Variants in HEATR3 observed in about 807,000 individuals in gnomAD.
HEATR3 encodes the protein HEAT repeat-containing protein 3.
In HEATR3, 56 loss-of-function variants were observed where a neutral mutation model predicts 72.8. That is an observed-to-expected ratio of 0.77 (90% CI 0.62 to 0.96). HEATR3 has a LOEUF of 0.96. HEATR3 is among the 40% of genes least tolerant of loss of function. The pLI is 0.00. For synonymous variants in HEATR3, 331 were observed against 318.1 expected (o/e 1.04, Z -0.43); for missense variants, 747 against 831.4 (o/e 0.90, Z 1.25).
Position 50,081,828 on chromosome 16 carries a change from T to C in HEATR3, c.1042-2109T>C, listed in dbSNP as rs554361077. Among the ~76,000 whole-genome samples the C allele has an allele frequency of 1.1e-3, 162 of 152,334 alleles. 1 individual carries two copies. Among genetic ancestry groups the C allele is most frequent in the African/African-American group, 3.6e-3 (150 of 41,578 alleles). ...AAAAGTAGAGTACTCTCTGCCCAGC[T>C]TCTACAGTTACCAATTTTCAAAGTC... On this transcript the variant is annotated intron_variant, in intron 7 of 14. Transcript: ENST00000299192.
intron 2 of HEATR3, 116 bp downstream of exon 2, chr16:50,066,655 C>A: frequency 1.0e-6 from 1 of 963,802 alleles, no homozygotes; most frequent in South Asian, 4.5e-5. Context: ...CTGGCCCGGT[C>A]TCCCGTTTGC....
At chr16:50,090,554 T>C (rs377743346) in intron 11 of HEATR3, among the ~76,000 whole-genome samples, 2 of 152,196 alleles carry the variant, frequency 1.3e-5, no homozygotes, top group African/African-American at 4.8e-5. Context: ...GTGTCTGATA[T>C]CAGAGATAAA....
chr16:50,101,782 A>G (rs1210095782), intron 13 of HEATR3, among the ~76,000 whole-genome samples: 1 of 151,176 alleles, frequency 6.6e-6, no homozygotes, highest in East Asian at 2.0e-4. Flanking sequence ...GTCTTGCTCC[A>G]TTGCCGAGGC....
intron 14 of HEATR3, among the ~76,000 whole-genome samples, chr16:50,103,300 G>T (rs1296213990): frequency 2.0e-5 from 3 of 152,194 alleles, no homozygotes; most frequent in Non-Finnish European, 4.4e-5. Flanking sequence ...ATGTATTGCT[G>T]TGGTAATAAC....
intron 11 of HEATR3, among the ~76,000 whole-genome samples, chr16:50,091,757 C>G (rs2037116769): frequency 6.6e-6 from 1 of 151,444 alleles, no homozygotes; most frequent in Non-Finnish European, 1.5e-5. Flanking sequence ...ACCTGTAGTC[C>G]CAGCTACTCG....
intron 12 of HEATR3, among the ~76,000 whole-genome samples, chr16:50,095,299 G>A (rs942580904): frequency 6.6e-6 from 1 of 151,682 alleles, no homozygotes; most frequent in Non-Finnish European, 1.5e-5. Flanking sequence ...GTAGAGACGG[G>A]GTTTTGCCGT....
At position 50,104,749 on chromosome 16, in the gene HEATR3, A is replaced by G. The variant is rs565266535; in HGVS notation, c.1921-190A>G. Reference sequence around the variant, plus strand: ...GTCACCTTTGTAACTATCATTTTTAATAATGCACATTCTCAGTTTATTCTT... The same window carrying G: ...GTCACCTTTGTAACTATCATTTTTAGTAATGCACATTCTCAGTTTATTCTT... On this transcript the variant is annotated intron_variant, in intron 14 of 14. Transcript: ENST00000299192. Among the ~76,000 whole-genome samples, 8 of 152,272 alleles carry G rather than the reference A, an allele frequency of 5.3e-5. No homozygotes were observed. In the East Asian group the frequency reaches 1.5e-3, roughly 29 times the overall value.
At chr16:50,101,700 A>G (rs1261746110) in intron 13 of HEATR3, among the ~76,000 whole-genome samples, 2 of 152,094 alleles carry the variant, frequency 1.3e-5, no homozygotes, top group Admixed American at 6.6e-5. Context: ...TGTATTTCCT[A>G]CAAACTGACA....
intron 11 of HEATR3, among the ~76,000 whole-genome samples, chr16:50,088,994 G>A (rs1306560117): frequency 6.6e-6 from 1 of 152,146 alleles, no homozygotes. Flanking sequence ...CAAACTCCCT[G>A]TGTGCCTGTG....
chr16:50,067,633 T>C (rs1453543523), intron 2 of HEATR3, among the ~76,000 whole-genome samples: 2 of 152,064 alleles, frequency 1.3e-5, no homozygotes, highest in Non-Finnish European at 2.9e-5. Flanking sequence ...AGCAGGGAAG[T>C]GACATGCTGC....
chr16:50,084,121 G>A lies in HEATR3; in HGVS notation c.1133-13G>A, dbSNP rs781699919. 6.2e-7 allele frequency: 1 copy of A among 1,614,078 alleles called. No individual in the cohort carries two copies. Among genetic ancestry groups the A allele is most frequent in the Non-Finnish European group, 8.5e-7 (1 of 1,180,008 alleles). ...TAACTATTCCAGTTCTGCGTGGTTT[G>A]CCCGCTTCCCAGATCCCTCTGATGA... On this transcript the variant is annotated splice_polypyrimidine_tract_variant and intron_variant, in intron 8 of 14. Transcript: ENST00000299192.
At position 50,083,955 on chromosome 16, in the gene HEATR3, A is replaced by G; in HGVS notation, c.1060A>G (p.Arg354Gly). 1 of 1,610,188 alleles carries G rather than the reference A, an allele frequency of 6.2e-7. No individual in the cohort carries two copies. Among genetic ancestry groups the G allele is most frequent in the Middle Eastern group, 1.7e-4 (1 of 6,050 alleles). The change falls in exon 8 of 15, where the codon AGA (arginine) becomes GGA (glycine). Residue 354 changes from arginine (R) to glycine (G), a missense_variant. This residue lies in a region of HEATR3 where 586 missense variants were observed against 708.8 expected (regional missense o/e 0.83). Transcript: ENST00000299192. ...DLLPPTDKELRETIALLTAQQ... is the reference protein window; with the variant it reads ...DLLPPTDKELGETIALLTAQQ... ...TTTTAAGCCCACTGACAAGGAACTG[A>G]GAGAGACTATAGCATTGCTGACAGC...
intron 13 of HEATR3, 88 bp downstream of exon 13, chr16:50,100,461 G>A: frequency 2.3e-6 from 3 of 1,309,072 alleles, no homozygotes; most frequent in Non-Finnish European, 3.2e-6. Context: ...AACTTGTGTG[G>A]ACTTGAAGAG....
Position 50,070,226 on chromosome 16 carries a change from GATC to G in HEATR3, c.450_452del (p.Asp150_Gln151delinsGlu), listed in dbSNP as rs772449735. 10 of 1,610,640 alleles carry G rather than the reference GATC, an allele frequency of 6.2e-6. No individual in the cohort carries two copies. Among genetic ancestry groups the G allele is most frequent in the African/African-American group, 2.7e-5 (2 of 74,868 alleles). On this transcript the variant is annotated inframe_deletion, in exon 4 of 15. Transcript: ENST00000299192. ...TGAGATGTCTCTGCAGGAGAAAAAA[GATC>G]AGAACAGAAATTCTATTGAGAACAT...
chr16:50,079,007 G>C lies in HEATR3; in HGVS notation c.1030G>C (p.Asp344His). The C allele has an allele frequency of 6.2e-7, 1 of 1,611,458 alleles. No homozygotes were observed. The highest frequency in any genetic ancestry group is 2.2e-5 in the East Asian group (1 of 44,820). ...AGTCAGAAGGAAAACTTTCGTTTCA[G>C]ATTTACTTCCGGTAAGTCAGGTTGC... ...RRVRRKTFVS[D>H]LLPPTDKELR... Residue 344 changes from aspartate to histidine, a missense_variant, in exon 7 of 15, where the codon GAT (aspartate) becomes CAT (histidine). Around this residue, in one of 2 missense-constraint regions of HEATR3, gnomAD observed 586 missense variants for 708.8 expected, o/e 0.83. Coordinates refer to ENST00000299192, the MANE Select transcript of HEATR3 (RefSeq NM_182922.4).
chr16:50,090,351 T>C (rs1471330838), intron 11 of HEATR3, among the ~76,000 whole-genome samples: 5 of 151,868 alleles, frequency 3.3e-5, no homozygotes, highest in South Asian at 2.1e-4. Context: ...GAGACTCTTA[T>C]CTCAATTAAA....
In HEATR3 at chr16:50,086,512, A is replaced by C. The variant is rs988683340; in HGVS notation, c.1510+161A>C. ...ATAGTTGCCATGGGGTACAGAGTCA[A>C]AACGAGGTATGCAAGCAGCTCCTGG... On this transcript the variant is annotated intron_variant, in intron 11 of 14. Transcript: ENST00000299192. 2.6e-5 allele frequency among the ~76,000 whole-genome samples: 4 copies of C among 152,234 alleles called. No homozygotes were observed. In the South Asian group the frequency reaches 8.3e-4, roughly 31 times the overall value.
At chr16:50,102,685 C>T in intron 14 of HEATR3, among the ~76,000 whole-genome samples, 1 of 152,194 alleles carries the variant, frequency 6.6e-6, no homozygotes. Flanking sequence ...GTAATTTTGA[C>T]AATGCTTCAT....
chr16:50,076,930 C>T (rs866110897), intron 6 of HEATR3, among the ~76,000 whole-genome samples: 36 of 147,486 alleles, frequency 2.4e-4, no homozygotes, highest in Middle Eastern at 3.6e-3. Flanking sequence ...GTGCGTGGCG[C>T]GATCTCCACT....
Sources: gnomAD v4.1 joint callset for allele counts (sites outside exome capture counted in the v4.1 genomes callset) on GRCh38, gnomAD v4.1.1 for gene constraint, gnomAD v4.1.1 regional missense constraint, MANE v1.5 for transcripts, NCBI Gene and HGNC (gene_info 2026-07-23, HGNC 2026-07-21) for gene names.